DDR2: variants seen among roughly 807,000 people sequenced by gnomAD.
DDR2 encodes discoidin domain-containing receptor 2.
Under a neutral mutation model 94.9 loss-of-function variants are expected in DDR2, and 27 were observed. That is an observed-to-expected ratio of 0.28 (90% CI 0.21 to 0.39). The LOEUF (loss-of-function observed/expected upper bound fraction) is 0.39. Ranked by LOEUF, DDR2 falls within the 10% of genes least tolerant of loss-of-function variation. DDR2 has a pLI of 1.00. For synonymous variants in DDR2, 382 were observed against 377.2 expected, an observed-to-expected ratio of 1.01 and a Z score of -0.15; for missense variants, 783 against 1,076.0, an observed-to-expected ratio of 0.73 and a Z score of 3.81.
chr1:162,787,079 A>C lies in DDR2; in HGVS notation c.*6833A>C, dbSNP rs999610124. The C allele has an allele frequency of 2.0e-5, 3 of 152,196 alleles. No homozygotes were observed. The highest frequency in any genetic ancestry group is 7.2e-5 in the African/African-American group (3 of 41,446). 9.4% of individuals were successfully genotyped at this position (152,196 alleles called of 1,614,324 possible). On this transcript the variant is annotated 3_prime_UTR_variant, in exon 18 of 18. Coordinates refer to ENST00000367921, the MANE Select transcript of DDR2 (RefSeq NM_006182.4). Reference sequence around the variant, plus strand: ...ACCCATTTCTTACCTGGTCTCTGAGAATAAGTTTATACTTTTAGTTTTCTG... The same window carrying C: ...ACCCATTTCTTACCTGGTCTCTGAGCATAAGTTTATACTTTTAGTTTTCTG...
At chr1:162,706,758 C>G (rs1468247181) in intron 2 of DDR2, among the ~76,000 whole-genome samples, 1 of 152,118 alleles carries the variant, frequency 6.6e-6, no homozygotes, top group African/African-American at 2.4e-5. Flanking sequence ...ATGCTGGTGA[C>G]TCAAGGGGAA....
chr1:162,652,873 G>C (rs892779519), intron 1 of DDR2, among the ~76,000 whole-genome samples: 1 of 152,150 alleles, frequency 6.6e-6, no homozygotes, highest in Non-Finnish European at 1.5e-5. Context: ...GGGAGGCTGA[G>C]GTGGGAGGAT....
chr1:162,706,299 T>C (rs942052108), intron 2 of DDR2, among the ~76,000 whole-genome samples: 7 of 152,166 alleles, frequency 4.6e-5, no homozygotes, highest in African/African-American at 1.7e-4. Context: ...AGGAAGACCA[T>C]GACAAGACCC....
At chr1:162,707,609 T>A (rs12033911) in intron 2 of DDR2, among the ~76,000 whole-genome samples, 1 of 152,184 alleles carries the variant, frequency 6.6e-6, no homozygotes, top group Admixed American at 6.5e-5. Flanking sequence ...TTCCAAATGC[T>A]CACAGGCGCT....
At chr1:162,656,036 C>T (rs1657943250) in intron 2 of DDR2, among the ~76,000 whole-genome samples, 1 of 152,130 alleles carries the variant, frequency 6.6e-6, no homozygotes, top group Non-Finnish European at 1.5e-5. Context: ...AAACCATTTC[C>T]ACATATCAAG....
intron 2 of DDR2, chr1:162,705,000 A>G (rs1660597577): frequency 6.6e-6 from 1 of 152,234 alleles, no homozygotes; most frequent in Admixed American, 6.5e-5. Context: ...TGCTTTTCGC[A>G]TGCTCACCCA....
At chr1:162,686,971 A>G (rs189657313) in intron 2 of DDR2, among the ~76,000 whole-genome samples, 18 of 152,274 alleles carry the variant, frequency 1.2e-4, no homozygotes, top group Non-Finnish European at 1.3e-4. Context: ...GGCTGTGTTA[A>G]ATTTCATTTT....
chr1:162,650,315 G>A (rs10917579), intron 1 of DDR2, among the ~76,000 whole-genome samples: 139,020 of 151,974 alleles, frequency 0.91, 64,173 homozygotes, highest in Middle Eastern at 0.98. Flanking sequence ...ATAATAACAG[G>A]CCAGGTGTGG....
intron 3 of DDR2, among the ~76,000 whole-genome samples, chr1:162,720,139 G>A (rs1661352652): frequency 7.9e-6 from 1 of 126,276 alleles, no homozygotes; most frequent in South Asian, 3.0e-4. Flanking sequence ...TATTGGAGAA[G>A]AATTGGAGTC....
chr1:162,668,500 G>C (rs906577739), intron 2 of DDR2, among the ~76,000 whole-genome samples: 37 of 152,114 alleles, frequency 2.4e-4, no homozygotes, highest in African/African-American at 8.7e-4. Context: ...GTGTCAGCAG[G>C]GCCATATTCC....
chr1:162,684,034 A>G (rs1013193080), intron 2 of DDR2, among the ~76,000 whole-genome samples: 1 of 152,224 alleles, frequency 6.6e-6, no homozygotes, highest in African/African-American at 2.4e-5. Context: ...TGACAGAAGT[A>G]CAGACATAGA....
intron 8 of DDR2, among the ~76,000 whole-genome samples, chr1:162,760,309 T>A (rs1238149811): frequency 6.6e-6 from 1 of 151,238 alleles, no homozygotes; most frequent in Non-Finnish European, 1.5e-5. Context: ...TAATATCAGG[T>A]GAAAAAAATA....
chr1:162,653,259 T>C (rs1657790278), intron 1 of DDR2, among the ~76,000 whole-genome samples: 1 of 152,114 alleles, frequency 6.6e-6, no homozygotes, highest in Non-Finnish European at 1.5e-5. Flanking sequence ...GCCGTCTTAG[T>C]ACTGCAGGGA....
chr1:162,755,147 T>A lies in DDR2; in HGVS notation c.418-9T>A. On this transcript the variant is annotated splice_polypyrimidine_tract_variant and intron_variant, in intron 5 of 17. Coordinates refer to ENST00000367921, the MANE Select transcript of DDR2 (RefSeq NM_006182.4). ...CCACCTCTTCACTCATTCTCTTCTC[T>A]CTCCTCAGGTGCTGGATGGAAATAG... 1 of 1,614,018 alleles carries A rather than the reference T, an allele frequency of 6.2e-7. No homozygotes were observed. Among genetic ancestry groups the A allele is most frequent in the Non-Finnish European group, 8.5e-7 (1 of 1,179,968 alleles).
At chr1:162,750,820 A>G (rs938609051) in intron 3 of DDR2, among the ~76,000 whole-genome samples, 3 of 152,192 alleles carry the variant, frequency 2.0e-5, no homozygotes, top group African/African-American at 4.8e-5. Context: ...GGAACAGAAC[A>G]CAGCCCTCAG....
At chr1:162,721,955 T>C (rs1168819306) in intron 3 of DDR2, among the ~76,000 whole-genome samples, 1 of 152,252 alleles carries the variant, frequency 6.6e-6, no homozygotes, top group Non-Finnish European at 1.5e-5. Flanking sequence ...GATCTTACAA[T>C]GACTATTGGT....
intron 3 of DDR2, among the ~76,000 whole-genome samples, chr1:162,725,298 A>T (rs1334778156): frequency 1.3e-5 from 2 of 152,218 alleles, no homozygotes; most frequent in Non-Finnish European, 2.9e-5. Context: ...TCCAGCAAGC[A>T]TGCTCTTTTC....
At chr1:162,759,634 TC>T (rs1372726154) in intron 7 of DDR2, among the ~76,000 whole-genome samples, 161 bp from the exon 8 acceptor site, 2 of 151,986 alleles carry the variant, frequency 1.3e-5, no homozygotes, top group Admixed American at 1.3e-4. Context: ...GATAAACGAG[TC>T]AATACTATAA....
chr1:162,728,451 T>C (rs186119026), intron 3 of DDR2, among the ~76,000 whole-genome samples: 2 of 151,922 alleles, frequency 1.3e-5, no homozygotes, highest in Admixed American at 1.3e-4. Context: ...AGAGTGAGGA[T>C]AGTGATTATT....
Sources: gnomAD v4.1 joint callset for allele counts (sites outside exome capture counted in the v4.1 genomes callset) on GRCh38, gnomAD v4.1.1 for gene constraint, MANE v1.5 for transcripts, NCBI Gene and HGNC (gene_info 2026-07-23, HGNC 2026-07-21) for gene names.